RBFOX1: variants seen among roughly 807,000 people sequenced by gnomAD.
RBFOX1 encodes RNA binding fox-1 homolog 1.
A neutral mutation model predicts 57.7 loss-of-function variants in RBFOX1; 8 were observed. The observed-to-expected ratio is 0.14, with a 90% CI of 0.08 to 0.25. RBFOX1 has a LOEUF of 0.25. Among genes scored for constraint, RBFOX1 ranks in the 10% least tolerant of loss-of-function variants. RBFOX1 has a pLI of 1.00. For synonymous variants in RBFOX1, 326 were observed against 222.4 expected (o/e 1.47, Z -4.15); for missense variants, 611 against 548.5 (o/e 1.11, Z -1.14).
At chr16:6,527,954 C>A (rs182009960) in intron 2 of RBFOX1, among the ~76,000 whole-genome samples, 11 of 152,258 alleles carry the variant, frequency 7.2e-5, no homozygotes, top group Admixed American at 6.5e-4. Flanking sequence ...CATGGCATCG[C>A]TGAACCGTCA....
rs114947979 is a variant in RBFOX1 at position 6,212,200 on chromosome 16, G to A, written c.-126-104795G>A. ...GAAACAAAAATCTTTATATGGTATT[G>A]ACGTTGAAAAATACCTAATATACAT... On this transcript the variant is annotated intron_variant, in intron 1 of 15. Coordinates refer to ENST00000550418, the MANE Select transcript of RBFOX1 (RefSeq NM_018723.4). Among the ~76,000 whole-genome samples, 646 of 151,034 alleles carry A rather than the reference G, an allele frequency of 4.3e-3. 3 individuals are homozygous for A. The highest frequency in any genetic ancestry group is 0.014 in the African/African-American group (597 of 41,214).
intron 1 of RBFOX1, among the ~76,000 whole-genome samples, chr16:6,120,969 C>A (rs1392198277): frequency 6.6e-6 from 1 of 152,184 alleles, no homozygotes. Flanking sequence ...AGATTTATTT[C>A]TATTATTTCC....
At chr16:6,269,390 G>C (rs958516074) in intron 1 of RBFOX1, among the ~76,000 whole-genome samples, 3 of 152,158 alleles carry the variant, frequency 2.0e-5, no homozygotes, top group African/African-American at 7.2e-5. Flanking sequence ...AAATCACTGA[G>C]TAAATCCCAA....
intron 1 of RBFOX1, among the ~76,000 whole-genome samples, chr16:6,109,316 GC>G (rs1357323337): frequency 6.6e-6 from 1 of 151,892 alleles, no homozygotes. Context: ...GAATCTTCAT[GC>G]CGTGTTTCAG....
At chr16:6,879,109 A>G (rs1303159772) in intron 3 of RBFOX1, among the ~76,000 whole-genome samples, 1 of 152,234 alleles carries the variant, frequency 6.6e-6, no homozygotes, top group Non-Finnish European at 1.5e-5. Flanking sequence ...GCTTGAATAT[A>G]TTACAGTTTG....
At chr16:5,712,193 C>G (rs544771482) in intron 3 of RBFOX1, among the ~76,000 whole-genome samples, 2 of 152,292 alleles carry the variant, frequency 1.3e-5, no homozygotes. Context: ...CACCTTCCAC[C>G]AGGTCCCTTC....
At chr16:7,643,404 A>T (rs947402864) in intron 11 of RBFOX1, among the ~76,000 whole-genome samples, 3 of 152,256 alleles carry the variant, frequency 2.0e-5, no homozygotes, top group Non-Finnish European at 4.4e-5. Flanking sequence ...ATAACATATT[A>T]AAAAAGCAAT....
chr16:5,259,702 C>G lies in RBFOX1; in HGVS notation c.219+19597C>G, dbSNP rs112273901. 9.7e-3 allele frequency among the ~76,000 whole-genome samples: 1,481 copies of G among 152,272 alleles called. 21 individuals are homozygous for G. The highest frequency in any genetic ancestry group is 0.027 in the African/African-American group (1,123 of 41,542). On this transcript the variant is annotated intron_variant, in intron 1 of 2. Transcript: ENST00000585867. ...TTGTCATGAGTTAATGTGATTTATT[C>G]TAGTGGAAGCCAGTGCAGCTTAAGT...
chr16:7,166,498 A>T (rs1316480888), intron 4 of RBFOX1, among the ~76,000 whole-genome samples: 2 of 152,110 alleles, frequency 1.3e-5, no homozygotes, highest in African/African-American at 2.4e-5. Flanking sequence ...GGAAGATCAG[A>T]GGTTGGAGAA....
chr16:6,267,733 C>T lies in RBFOX1; in HGVS notation c.-126-49262C>T, dbSNP rs190328274. Reference sequence around the variant, plus strand: ...TCCCTTTTTCCCATGAAAGAGTCAACTGAATTCGGGTACAAGTCGCTTAGA... The same window carrying T: ...TCCCTTTTTCCCATGAAAGAGTCAATTGAATTCGGGTACAAGTCGCTTAGA... On this transcript the variant is annotated intron_variant, in intron 1 of 15. Coordinates refer to ENST00000550418, the MANE Select transcript of RBFOX1 (RefSeq NM_018723.4). Among the ~76,000 whole-genome samples, 64 of 152,232 alleles carry T rather than the reference C, an allele frequency of 4.2e-4. 2 individuals are homozygous for T. The East Asian group carries it at 0.012, about 29-fold the overall frequency.
intron 13 of RBFOX1, among the ~76,000 whole-genome samples, chr16:7,671,870 T>C (rs1181335401): frequency 6.6e-6 from 1 of 152,244 alleles, no homozygotes; most frequent in African/African-American, 2.4e-5. Flanking sequence ...GCCTCAGCCA[T>C]GAGCTTTGTT....
At chr16:5,571,440 C>G (rs1210568409) in intron 2 of RBFOX1, among the ~76,000 whole-genome samples, 2 of 152,108 alleles carry the variant, frequency 1.3e-5, no homozygotes. Flanking sequence ...GTCTCAAACT[C>G]CTGACCTCAA....
At chr16:7,508,828 G>A (rs1034556665) in intron 4 of RBFOX1, among the ~76,000 whole-genome samples, 1 of 152,116 alleles carries the variant, frequency 6.6e-6, no homozygotes, top group Non-Finnish European at 1.5e-5. Flanking sequence ...ATTCACTTCA[G>A]AAACCCCATC....
At chr16:7,375,434 C>G (rs569174909) in intron 4 of RBFOX1, among the ~76,000 whole-genome samples, 7 of 151,642 alleles carry the variant, frequency 4.6e-5, no homozygotes, top group Non-Finnish European at 1.0e-4. Flanking sequence ...AAATTAGCGG[C>G]TATGGAATCT....
intron 2 of RBFOX1, among the ~76,000 whole-genome samples, chr16:6,445,991 G>T (rs1166713330): frequency 2.6e-5 from 4 of 151,878 alleles, no homozygotes; most frequent in East Asian, 3.9e-4. Flanking sequence ...TAGGGATAGG[G>T]TCTCTGTTTG....
At position 5,719,799 on chromosome 16, in the gene RBFOX1, T is replaced by G. The variant is rs1220824749; in HGVS notation, c.318+120838T>G. On this transcript the variant is annotated intron_variant, in intron 3 of 19. Coordinates refer to the RBFOX1 transcript ENST00000641259. ...ATGGATAGACCCCATTTTATTTGTT[T>G]ATCATTTGTTGGACATTTGGGTTGT... Among the ~76,000 whole-genome samples the G allele has an allele frequency of 3.9e-5, 6 of 152,208 alleles. No individual in the cohort carries two copies. In the East Asian group the frequency reaches 1.2e-3, roughly 29 times the overall value.
chr16:7,543,713 G>C (rs1436919050), intron 5 of RBFOX1, among the ~76,000 whole-genome samples: 2 of 60,658 alleles, frequency 3.3e-5, no homozygotes, highest in Non-Finnish European at 7.5e-5. Flanking sequence ...GTGTGTGTGT[G>C]TGTGTGTTTA....
intron 2 of RBFOX1, among the ~76,000 whole-genome samples, chr16:5,546,778 A>C (rs1580471): frequency 0.7 from 106,475 of 151,992 alleles, 37,989 homozygotes; most frequent in East Asian, 0.99. Context: ...GAACTTCATC[A>C]AAATTAAAAA....
intron 2 of RBFOX1, among the ~76,000 whole-genome samples, chr16:5,536,099 C>CCG (rs56225521): frequency 0.74 from 109,265 of 146,830 alleles, 40,764 homozygotes; most frequent in East Asian, 0.89. Context: ...CATCAAGCCC[C>CCG]CCCCCCCTTT....
Sources: allele counts gnomAD v4.1 joint callset (sites outside exome capture counted in the v4.1 genomes callset), GRCh38; gene constraint gnomAD v4.1.1; transcripts MANE v1.5; gene names NCBI Gene and HGNC (gene_info 2026-07-23, HGNC 2026-07-21).